The following CUL7 variants were observed in gnomAD, a reference collection of about 807,000 sequenced individuals.
CUL7 encodes cullin-7.
A neutral mutation model predicts 177.7 loss-of-function variants in CUL7; 96 were observed. The observed-to-expected ratio is 0.54, with a 90% confidence interval of 0.46 to 0.64. CUL7 has a LOEUF of 0.64. Ranked by LOEUF, CUL7 falls within the 30% of genes least tolerant of loss-of-function variation. CUL7 has a pLI of 0.00. For synonymous variants in CUL7, 824 were observed against 890.2 expected (o/e 0.93, Z 1.32); for missense variants, 1,893 against 2,187.9 (o/e 0.87, Z 2.69).
chr6:43,052,761 A>G lies in CUL7; in HGVS notation c.28T>C (p.Phe10Leu). 6.2e-7 allele frequency: 1 copy of G among 1,608,272 alleles called. No individual in the cohort carries two copies. The highest frequency in any genetic ancestry group is 8.5e-7 in the Non-Finnish European group (1 of 1,179,998). MVGELRYRE[F>L]RVPLGPGLHA... is the part of the protein sequence containing the mutation. The stretch of plus-strand genomic sequence containing the variant: ...AAGCCGGGCCCCAGGGGCACCCTGA[A>G]TTCCCTGTAGCGGAGTTCTCCCACC... Residue 10 changes from phenylalanine to leucine, a missense_variant, in exon 2 of 26, where the codon TTC (phenylalanine) becomes CTC (leucine). Transcript: ENST00000265348. The surrounding 1 kb of genome is among the most constrained non-coding windows in gnomAD (Gnocchi z 4.5).
Position 43,042,787 on chromosome 6 carries a change from A to G in CUL7, c.3645+15T>C. ...TCGGAAGAGACCCAAGGATGAGGCAAGGGTAGAGGCTTACGTGGGCAGCTT... is the reference window on the plus strand; with the variant it reads ...TCGGAAGAGACCCAAGGATGAGGCAGGGGTAGAGGCTTACGTGGGCAGCTT... On this transcript the variant is annotated intron_variant, in intron 19 of 25. Coordinates refer to ENST00000265348, the MANE Select transcript of CUL7 (RefSeq NM_014780.5). 1 of 1,585,676 alleles carries G rather than the reference A, an allele frequency of 6.3e-7. No individual in the cohort carries two copies. Among genetic ancestry groups the G allele is most frequent in the Non-Finnish European group, 8.7e-7 (1 of 1,155,632 alleles).
rs375091529 is a variant in CUL7 at position 43,046,610 on chromosome 6, A to G, written c.2398-9T>C. Reference sequence around the variant, plus strand: ...ATCTGGCCCAGCACCATCTGCAGCCAGAACATCAGAGAGAAGGGGCACAGG... The same window carrying G: ...ATCTGGCCCAGCACCATCTGCAGCCGGAACATCAGAGAGAAGGGGCACAGG... On this transcript the variant is annotated splice_polypyrimidine_tract_variant and intron_variant, in intron 10 of 25. Transcript: ENST00000265348. The G allele has an allele frequency of 5.4e-5, 87 of 1,614,182 alleles. No homozygotes were observed. Among genetic ancestry groups the G allele is most frequent in the South Asian group, 1.2e-4 (11 of 91,080 alleles).
At position 43,048,384 on chromosome 6, in the gene CUL7, G is replaced by C; in HGVS notation, c.2011C>G (p.Gln671Glu). The C allele has an allele frequency of 6.2e-7, 1 of 1,613,958 alleles. No individual in the cohort carries two copies. Among genetic ancestry groups the C allele is most frequent in the Non-Finnish European group, 8.5e-7 (1 of 1,179,824 alleles). The change falls in exon 8 of 26, where the codon CAG (glutamine) becomes GAG (glutamate). Residue 671 changes from glutamine to glutamate, a missense_variant. Physicochemically the swap from Gln to Glu is conservative, Grantham distance 29 (BLOSUM62 2). This residue lies in a region of CUL7 where 973 missense variants were observed against 1,140.9 expected (regional missense o/e 0.85). Transcript: ENST00000265348. ...RQPQPFLALM[Q>E]SLDTPETNRT... ...TTAGTCTCCGGAGTGTCCAGGCTCT[G>C]CATCAGTGCCAGGAAGGGCTGCGGC...
In CUL7 at chr6:43,047,103, A is replaced by G. The variant is rs1763985263; in HGVS notation, c.2174T>C (p.Leu725Pro). The change falls in exon 10 of 26, where the codon CTC (leucine) becomes CCC (proline). Residue 725 changes from leucine to proline, a missense_variant. Transcript: ENST00000265348. ...GTGCAGGAAGAAAATCAGTTCCTGGAGCACCTGGGTGGGGACATAAGGGAG... is the reference window on the plus strand; with the variant it reads ...GTGCAGGAAGAAAATCAGTTCCTGGGGCACCTGGGTGGGGACATAAGGGAG... ...LRSPNTDREV[L>P]QELIFFLHRL... The G allele has an allele frequency of 6.3e-7, 1 of 1,596,288 alleles. No homozygotes were observed. Among genetic ancestry groups the G allele is most frequent in the Non-Finnish European group, 8.6e-7 (1 of 1,164,066 alleles).
chr6:43,038,690 C>T lies in CUL7; in HGVS notation c.4443G>A (p.Ala1481=), dbSNP rs572367422. ...WLLLYLNDLK[A]VSVESLLAFS... ...ACGCCAGCAGACTCTCCACAGAGAC[C>T]GCCTTCAGAGAACAGATGGGAGACA... The change falls in exon 24 of 26, where the codon GCG becomes GCA. Residue 1481 remains alanine (A), a splice_region_variant and synonymous_variant. Transcript: ENST00000265348. 7.9e-5 allele frequency: 127 copies of T among 1,614,010 alleles called. No homozygotes were observed. The highest frequency in any genetic ancestry group is 3.3e-4 in the Middle Eastern group (2 of 6,008).
intron 19 of CUL7, among the ~76,000 whole-genome samples, chr6:43,041,936 G>A (rs1477819297): frequency 4.0e-5 from 6 of 150,746 alleles, no homozygotes; most frequent in Admixed American, 3.3e-4. Flanking sequence ...CCTGGGAGGC[G>A]GAGGTTGTGG....
At position 43,051,137 on chromosome 6, in the gene CUL7, C is replaced by G; in HGVS notation, c.1064G>C (p.Arg355Thr). Residue 355 changes from arginine (R) to threonine (T), a missense_variant, in exon 4 of 26, where the codon AGA becomes ACA. Around this residue, in one of 5 missense-constraint regions of CUL7, gnomAD observed 653 missense variants for 725.2 expected, o/e 0.90. Transcript: ENST00000265348. The surrounding 1 kb of genome is among the most constrained non-coding windows in gnomAD (Gnocchi z 5.0). ...GAACTCAGAACGAGGGCGAAAACGTCTTGACCTCCTGAAGGAGGGCTGAGC... is the reference window on the plus strand; with the variant it reads ...GAACTCAGAACGAGGGCGAAAACGTGTTGACCTCCTGAAGGAGGGCTGAGC... ...AQAQPSFRRS[R>T]RFRPRSEFAS... 6.2e-7 allele frequency: 1 copy of G among 1,614,238 alleles called. No individual in the cohort carries two copies. The highest frequency in any genetic ancestry group is 8.5e-7 in the Non-Finnish European group (1 of 1,180,044).
rs1484790395 is a variant in CUL7 at position 43,049,603 on chromosome 6, C to T, written c.1629G>A (p.Leu543=). 2 of 1,614,116 alleles carry T rather than the reference C, an allele frequency of 1.2e-6. No homozygotes were observed. The highest frequency in any genetic ancestry group is 2.7e-5 in the African/African-American group (2 of 74,926). ...LAVPIELAQD[L]LLTLPQRLND... ...TGAGTCGCTGTGGCAGAGTCAGCAG[C>T]AAGTCCTGGGCCAATTCTATGGGCA... The change falls in exon 7 of 26, where the codon TTG becomes TTA. Residue 543 remains leucine (L), a synonymous_variant. Coordinates refer to ENST00000265348, the MANE Select transcript of CUL7 (RefSeq NM_014780.5).
intron 7 of CUL7, among the ~76,000 whole-genome samples, chr6:43,049,035 G>A (rs565708274): frequency 6.6e-6 from 1 of 152,152 alleles, no homozygotes; most frequent in South Asian, 2.1e-4. Flanking sequence ...GCCTTCCAAA[G>A]TGCTGGGATT....
At chr6:43,047,679 G>T (rs1764031807) in intron 9 of CUL7, among the ~76,000 whole-genome samples, 1 of 152,124 alleles carries the variant, frequency 6.6e-6, no homozygotes, top group South Asian at 2.1e-4. Flanking sequence ...GTATGTGATG[G>T]GCGCTCTGCC....
chr6:43,046,449 G>A (rs542541358), intron 11 of CUL7, 42 bp from the exon 12 acceptor site: 3 of 1,614,182 alleles, frequency 1.9e-6, no homozygotes, highest in Admixed American at 3.3e-5. Flanking sequence ...GGTCAGGTAG[G>A]GTGTAGAGGG....
Position 43,045,153 on chromosome 6 carries a change from C to A in CUL7, c.3038+74G>T. 6.5e-7 allele frequency: 1 copy of A among 1,545,176 alleles called. No homozygotes were observed. ...ACCTCCATCTCACAGCTTCTATGGA[C>A]CCCTGCCTGCCAGCTATTTGCAATA... is the stretch of plus-strand genomic sequence containing the variant. On this transcript the variant is annotated intron_variant, in intron 15 of 25. Transcript: ENST00000265348. The surrounding 1 kb of genome is among the most constrained non-coding windows in gnomAD (Gnocchi z 4.8).
At chr6:43,041,388 T>G (rs1181065973) in intron 19 of CUL7, among the ~76,000 whole-genome samples, 3 of 152,056 alleles carry the variant, frequency 2.0e-5, no homozygotes, top group Non-Finnish European at 4.4e-5. Flanking sequence ...GGCAGATGGC[T>G]TGAACCCAGG....
Position 43,049,507 on chromosome 6 carries a change from C to A in CUL7, c.1725G>T (p.Gly575=). Residue 575 remains glycine, a synonymous_variant, in exon 7 of 26, where the codon GGG becomes GGT. Transcript: ENST00000265348. ...CTAGAAGGGATGGGTAGGCTTGGTT[C>A]CCTGCTAGGGCTTCAGGCCCATACT... ...YKKYGPEALA[G]NQAYPSLLEA... is the part of the protein sequence containing the mutation. The A allele has an allele frequency of 6.2e-7, 1 of 1,614,192 alleles. No homozygotes were observed. The highest frequency in any genetic ancestry group is 8.5e-7 in the Non-Finnish European group (1 of 1,180,046).
In CUL7 at chr6:43,048,576, G is replaced by T. The variant is rs1462768642; in HGVS notation, c.1826-7C>A. 8.7e-6 allele frequency: 14 copies of T among 1,601,248 alleles called. No homozygotes were observed. Among genetic ancestry groups the T allele is most frequent in the Non-Finnish European group, 1.2e-5 (14 of 1,168,500 alleles). ...TGAGATGGGGGTTCTTTTGCTACAG[G>T]AAGGGGACAGTCACAGGAGTTGGCC... On this transcript the variant is annotated splice_region_variant and splice_polypyrimidine_tract_variant and intron_variant, in intron 7 of 25. Coordinates refer to ENST00000265348, the MANE Select transcript of CUL7 (RefSeq NM_014780.5).
Position 43,047,039 on chromosome 6 carries a change from C to G in CUL7, c.2238G>C (p.Leu746=). 1 of 1,613,668 alleles carries G rather than the reference C, an allele frequency of 6.2e-7. No individual in the cohort carries two copies. Among genetic ancestry groups the G allele is most frequent in the Non-Finnish European group, 8.5e-7 (1 of 1,179,618 alleles). The change falls in exon 10 of 26, where the codon CTG becomes CTC. Residue 746 remains leucine (L), a synonymous_variant. Coordinates refer to ENST00000265348, the MANE Select transcript of CUL7 (RefSeq NM_014780.5). ...TSVSRDYAVV[L]NQLGARDAIS... ...TAGCGTCTCTTGCTCCCAGCTGATTCAGCACCACGGCATAGTCCCTGCTCA... is the reference window on the plus strand; with the variant it reads ...TAGCGTCTCTTGCTCCCAGCTGATTGAGCACCACGGCATAGTCCCTGCTCA...
intron 12 of CUL7, 33 bp downstream of exon 12, chr6:43,046,203 G>A (rs761569302): frequency 4.0e-5 from 64 of 1,613,838 alleles, no homozygotes; most frequent in Non-Finnish European, 5.2e-5. Flanking sequence ...GAAAGCACAC[G>A]TGTGTGGCAA....
At position 43,053,849 on chromosome 6, in the gene CUL7, C is replaced by A. The variant is rs886061423; in HGVS notation, c.-236G>T. 2.0e-6 allele frequency: 3 copies of A among 1,533,024 alleles called. No individual in the cohort carries two copies. The African/African-American group carries it at 4.1e-5, about 21-fold the overall frequency. The allele number at this position is 1,533,024 out of a possible 1,614,324, so 95.0% of individuals were successfully genotyped here. A position where few individuals can be genotyped will look rare whatever the true frequency, so the allele number is the denominator to read the frequency against. On this transcript the variant is annotated 5_prime_UTR_variant, in exon 1 of 26. Transcript: ENST00000265348. This position sits in a 1 kb window ranked among gnomAD's most constrained non-coding sequence, Gnocchi z 4.1. ...GCCAGCGGCTCCGCCAGCCAAAAGCCACGGCTCATTTCCGCCCGACCCAGC... is the reference window on the plus strand; with the variant it reads ...GCCAGCGGCTCCGCCAGCCAAAAGCAACGGCTCATTTCCGCCCGACCCAGC...
chr6:43,046,737 G>C, intron 10 of CUL7, 136 bp from the exon 11 acceptor site: 1 of 1,402,336 alleles, frequency 7.1e-7, no homozygotes, highest in Non-Finnish European at 1.0e-6. Context: ...CCCAGATGGG[G>C]CAGAGGGGAA....
Sources: gnomAD v4.1 joint callset for allele counts (sites outside exome capture counted in the v4.1 genomes callset) on GRCh38, gnomAD v4.1.1 for gene constraint, gnomAD v4.1.1 regional missense constraint, Gnocchi (gnomAD v3.1) non-coding constraint, MANE v1.5 for transcripts, NCBI Gene and HGNC (gene_info 2026-07-23, HGNC 2026-07-21) for gene names.